The following LAMA2 variants were observed in gnomAD, a reference collection of about 807,000 sequenced individuals.
LAMA2 encodes laminin subunit alpha-2.
In LAMA2, 269 loss-of-function variants were observed where a neutral mutation model predicts 364.8. The ratio of observed to expected loss-of-function variants is 0.74; its 90% confidence interval spans 0.67 to 0.82. The LOEUF is 0.82. LAMA2 is among the 40% of genes least tolerant of loss of function. The pLI is 0.00. For synonymous variants in LAMA2, 1,379 were observed against 1,370.6 expected (o/e 1.01, Z -0.14); for missense variants, 3,807 against 3,873.2 (o/e 0.98, Z 0.45).
rs1300930433 is a variant in LAMA2 at position 129,344,591 on chromosome 6, T to C, written c.4436+2124T>C. On this transcript the variant is annotated intron_variant, in intron 30 of 64. Transcript: ENST00000421865. ...GCAGGAGCAGATGAAGGAAGAGATA[T>C]GTTAATAAGTGAATTAAAGTTGGAT... Among the ~76,000 whole-genome samples, 4 of 152,176 alleles carry C rather than the reference T, an allele frequency of 2.6e-5. No individual in the cohort carries two copies. The East Asian group carries it at 7.7e-4, about 29-fold the overall frequency.
At chr6:128,956,809 G>T (rs1044222940) in intron 1 of LAMA2, among the ~76,000 whole-genome samples, 1 of 147,716 alleles carries the variant, frequency 6.8e-6, no homozygotes. Flanking sequence ...CACGAAGAAG[G>T]TATTTTTTTT....
At chr6:129,070,522 A>G (rs1291416999) in intron 3 of LAMA2, among the ~76,000 whole-genome samples, 1 of 151,738 alleles carries the variant, frequency 6.6e-6, no homozygotes, top group Non-Finnish European at 1.5e-5. Context: ...TCACTTGTGC[A>G]TTGAAACTCT....
At chr6:129,350,921 G>T (rs1186677385) in intron 31 of LAMA2, among the ~76,000 whole-genome samples, 3 of 152,060 alleles carry the variant, frequency 2.0e-5, no homozygotes, top group Non-Finnish European at 4.4e-5. Flanking sequence ...TAAAACAGTG[G>T]ATTCACAATT....
intron 1 of LAMA2, among the ~76,000 whole-genome samples, chr6:129,048,604 TTCTCTCTC>T (rs59707849): frequency 6.8e-5 from 9 of 133,208 alleles, no homozygotes; most frequent in South Asian, 2.6e-4. Context: ...CTTCCTTCCT[TTCTCTCTC>T]TCTCTCTCTC....
chr6:129,048,533 C>CT (rs1297256251), intron 1 of LAMA2, among the ~76,000 whole-genome samples: 673 of 62,206 alleles, frequency 0.011, 5 homozygotes, highest in Middle Eastern at 0.013. Flanking sequence ...TCCTTCCTTC[C>CT]TTCCTTCCTT....
rs4599678 is a variant in LAMA2, at chr6:129,391,204, G to A, written c.5072-287G>A. 0.11 allele frequency among the ~76,000 whole-genome samples: 17,179 copies of A among 152,078 alleles called. 1,141 individuals are homozygous for A. Among genetic ancestry groups the A allele is most frequent in the African/African-American group, 0.17 (7,107 of 41,454 alleles). On this transcript the variant is annotated intron_variant, in intron 35 of 64. Transcript: ENST00000421865. ...CTGTTTTTTTTAAACTCTTACCTGAGTATGCTTCGACCTACTTCTTTATTT... is the reference window on the plus strand; with the variant it reads ...CTGTTTTTTTTAAACTCTTACCTGAATATGCTTCGACCTACTTCTTTATTT...
intron 1 of LAMA2, among the ~76,000 whole-genome samples, chr6:128,979,366 G>A (rs777919045): frequency 2.6e-5 from 4 of 152,040 alleles, no homozygotes; most frequent in Non-Finnish European, 5.9e-5. Flanking sequence ...TAGTCAGCAA[G>A]CATCAGTGTA....
At chr6:129,336,702 C>G (rs1168494669) in intron 29 of LAMA2, among the ~76,000 whole-genome samples, 1 of 152,132 alleles carries the variant, frequency 6.6e-6, no homozygotes, top group South Asian at 2.1e-4. Context: ...TTCATAGTAT[C>G]CTTGTGCACA....
chr6:129,495,617 G>T (rs1357134863), intron 58 of LAMA2, among the ~76,000 whole-genome samples: 1 of 152,090 alleles, frequency 6.6e-6, no homozygotes, highest in African/African-American at 2.4e-5. Flanking sequence ...CATCCTCCAG[G>T]CAGGTCTCTC....
At chr6:128,918,714 T>G (rs1778508480) in intron 1 of LAMA2, among the ~76,000 whole-genome samples, 1 of 152,360 alleles carries the variant, frequency 6.6e-6, no homozygotes, top group Admixed American at 6.5e-5. Flanking sequence ...GTATAAAATT[T>G]GATTTGTGAC....
chr6:129,223,435 G>A (rs1020142943), intron 12 of LAMA2, among the ~76,000 whole-genome samples: 1 of 152,084 alleles, frequency 6.6e-6, no homozygotes, highest in Non-Finnish European at 1.5e-5. Context: ...TGTCCTCAAT[G>A]GTATTGCCTA....
chr6:129,406,763 T>C (rs947917042), intron 40 of LAMA2, among the ~76,000 whole-genome samples: 1 of 152,082 alleles, frequency 6.6e-6, no homozygotes, highest in African/African-American at 2.4e-5. Context: ...ACTAATAGGA[T>C]AGATGTATAC....
chr6:129,434,271 C>G (rs1562560579), intron 41 of LAMA2, among the ~76,000 whole-genome samples: 1 of 152,174 alleles, frequency 6.6e-6, no homozygotes, highest in Non-Finnish European at 1.5e-5. Context: ...ATTACACTGT[C>G]ATTGTGTTCC....
chr6:129,070,848 A>G, intron 3 of LAMA2, among the ~76,000 whole-genome samples: 1 of 152,160 alleles, frequency 6.6e-6, no homozygotes, highest in South Asian at 2.1e-4. Context: ...GTGTGTATCT[A>G]AGTGAAGCAT....
At chr6:129,287,054 GGA>G (rs1789306499) in intron 18 of LAMA2, among the ~76,000 whole-genome samples, 1 of 19,064 alleles carries the variant, frequency 5.2e-5, no homozygotes, top group Non-Finnish European at 1.4e-4. Context: ...AAGGAAGCAA[GGA>G]AGGAAGGAAG....
At chr6:128,887,712 A>T (rs2114373004) in intron 1 of LAMA2, among the ~76,000 whole-genome samples, 1 of 152,214 alleles carries the variant, frequency 6.6e-6, no homozygotes, top group East Asian at 1.9e-4. Flanking sequence ...TCTACTAAAA[A>T]TACAAAAATT....
chr6:129,456,814 C>T (rs757328723), intron 48 of LAMA2, among the ~76,000 whole-genome samples: 13 of 152,030 alleles, frequency 8.6e-5, no homozygotes, highest in Non-Finnish European at 1.6e-4. Context: ...TCTTCTGAAT[C>T]GATTTATGAT....
chr6:129,265,486 G>A (rs1192576268), intron 15 of LAMA2, among the ~76,000 whole-genome samples: 2 of 152,070 alleles, frequency 1.3e-5, no homozygotes, highest in East Asian at 3.9e-4. Context: ...ACCCCCTTAT[G>A]AATATGTAGC....
chr6:129,320,382 T>C (rs1235615133), intron 27 of LAMA2, among the ~76,000 whole-genome samples, 156 bp from the exon 28 acceptor site: 5 of 152,176 alleles, frequency 3.3e-5, no homozygotes, highest in Admixed American at 6.5e-5. Flanking sequence ...GGTCAACTTA[T>C]GTACAATTAT....
Sources: gnomAD v4.1 joint callset for allele counts (sites outside exome capture counted in the v4.1 genomes callset) on GRCh38, gnomAD v4.1.1 for gene constraint, MANE v1.5 for transcripts, NCBI Gene and HGNC (gene_info 2026-07-23, HGNC 2026-07-21) for gene names.